SNTB1: variants seen among roughly 807,000 people sequenced by gnomAD.
The protein encoded by SNTB1 is beta-1-syntrophin.
SNTB1 carries 36 observed loss-of-function variants against 48.9 expected under a neutral mutation model. That is an observed-to-expected ratio of 0.74 (90% CI 0.56 to 0.97). The LOEUF (loss-of-function observed/expected upper bound fraction) is 0.97, where lower values mean the gene tolerates loss of function less well. SNTB1 is among the 50% of genes least tolerant of loss of function. The probability of loss-of-function intolerance (pLI) is 0.00; values close to 1 mark genes in which losing one functional copy is unlikely to be tolerated. For synonymous variants in SNTB1, 299 were observed against 294.6 expected, an observed-to-expected ratio of 1.01 and a Z score of -0.15; for missense variants, 786 against 703.4, an observed-to-expected ratio of 1.12 and a Z score of -1.33.
At chr8:120,640,500 A>T (rs1051475283) in intron 2 of SNTB1, among the ~76,000 whole-genome samples, 21 of 152,116 alleles carry the variant, frequency 1.4e-4, no homozygotes, top group Non-Finnish European at 2.8e-4. Context: ...ATTCAGTATG[A>T]TATTGGCTGT....
intron 2 of SNTB1, among the ~76,000 whole-genome samples, chr8:120,642,762 ATTAG>A (rs1308665855): frequency 6.6e-6 from 1 of 152,166 alleles, no homozygotes; most frequent in Non-Finnish European, 1.5e-5. Flanking sequence ...AAATTTAAAA[ATTAG>A]TCAGGCATGG....
rs190622912 is a variant in SNTB1 at position 120,642,827 on chromosome 8, G to A, written c.789-10176C>T. Reference sequence around the variant, plus strand: ...CTCAGGAGGCTGAGGTGGGAGGATTGCTTGGGCCCAGGTCAAGGCTGCAGT... The same window carrying A: ...CTCAGGAGGCTGAGGTGGGAGGATTACTTGGGCCCAGGTCAAGGCTGCAGT... On this transcript the variant is annotated intron_variant, in intron 2 of 6. Coordinates refer to ENST00000517992, the MANE Select transcript of SNTB1 (RefSeq NM_021021.4). Among the ~76,000 whole-genome samples, 16 of 152,264 alleles carry A rather than the reference G, an allele frequency of 1.1e-4. No homozygotes were observed. In the East Asian group the frequency reaches 2.5e-3, roughly 24 times the overall value.
chr8:120,633,184 T>C (rs1466354664), intron 2 of SNTB1, among the ~76,000 whole-genome samples: 1 of 152,200 alleles, frequency 6.6e-6, no homozygotes, highest in Non-Finnish European at 1.5e-5. Context: ...TGACCAAACT[T>C]TGCATCTTTT....
In SNTB1 at chr8:120,684,992, G is replaced by T. The variant is rs572293103; in HGVS notation, c.788+8700C>A. On this transcript the variant is annotated intron_variant, in intron 2 of 6. Coordinates refer to ENST00000517992, the MANE Select transcript of SNTB1 (RefSeq NM_021021.4). Reference sequence around the variant, plus strand: ...TTAATTCTCCAGAATAATTTTCTTTGACTCAAAGTCCCACCTTCCAGACAC... The same window carrying T: ...TTAATTCTCCAGAATAATTTTCTTTTACTCAAAGTCCCACCTTCCAGACAC... Among the ~76,000 whole-genome samples, 571 of 152,294 alleles carry T rather than the reference G, an allele frequency of 3.7e-3. 3 individuals carry two copies. Among genetic ancestry groups the T allele is most frequent in the African/African-American group, 0.013 (532 of 41,568 alleles).
intron 2 of SNTB1, among the ~76,000 whole-genome samples, chr8:120,646,670 C>T (rs1260771570): frequency 6.6e-6 from 1 of 151,696 alleles, no homozygotes; most frequent in Non-Finnish European, 1.5e-5. Flanking sequence ...CAGAATGATG[C>T]TGGCCTCATA....
chr8:120,588,067 C>T (rs1458213653), intron 3 of SNTB1, among the ~76,000 whole-genome samples: 2 of 151,964 alleles, frequency 1.3e-5, no homozygotes, highest in African/African-American at 4.8e-5. Context: ...AAACAGCAGG[C>T]TCTTTGGGAA....
At position 120,537,932 on chromosome 8, in the gene SNTB1, G is replaced by A. The variant is rs867787371; in HGVS notation, c.*945C>T. On this transcript the variant is annotated 3_prime_UTR_variant, in exon 7 of 7. Coordinates refer to ENST00000517992, the MANE Select transcript of SNTB1 (RefSeq NM_021021.4). ...TTGAAAATGCATGCATACAAGCACA[G>A]GCAAAAACAAGGGTCAGTAAGTTGC... 7.2e-5 allele frequency: 11 copies of A among 152,110 alleles called. No homozygotes were observed. The highest frequency in any genetic ancestry group is 2.7e-4 in the African/African-American group (11 of 41,400). 9.4% of individuals were successfully genotyped at this position (152,110 alleles called of 1,614,324 possible).
intron 1 of SNTB1, among the ~76,000 whole-genome samples, chr8:120,724,385 T>C (rs1016718627): frequency 2.6e-5 from 4 of 152,228 alleles, no homozygotes; most frequent in South Asian, 2.1e-4. Flanking sequence ...AAGGGGTATG[T>C]GTCTCCTGAG....
chr8:120,657,205 G>A (rs531748308), intron 2 of SNTB1, among the ~76,000 whole-genome samples: 26 of 152,170 alleles, frequency 1.7e-4, no homozygotes, highest in Admixed American at 6.5e-4. Flanking sequence ...GAAGTTGGAT[G>A]ACCCAACATC....
chr8:120,608,449 T>C (rs537527259), intron 3 of SNTB1, among the ~76,000 whole-genome samples: 59 of 152,144 alleles, frequency 3.9e-4, no homozygotes, highest in Non-Finnish European at 7.4e-4. Context: ...ACTGGAGTCA[T>C]CATTAGAAGG....
intron 1 of SNTB1, among the ~76,000 whole-genome samples, chr8:120,786,740 G>C (rs1177309554): frequency 3.3e-5 from 5 of 152,202 alleles, no homozygotes; most frequent in Admixed American, 2.0e-4. Context: ...AATGGAGGCT[G>C]TTGTGGCTCC....
chr8:120,590,680 CTTTTCTTTTT>C (rs1205020704), intron 3 of SNTB1, among the ~76,000 whole-genome samples: 1 of 131,006 alleles, frequency 7.6e-6, no homozygotes, highest in Non-Finnish European at 1.5e-5. Context: ...GTTTTCTTTT[CTTTTCTTTTT>C]TTTTTTTTTT....
rs570480062 is a variant in SNTB1 at position 120,539,460 on chromosome 8, C to T, written c.1525-491G>A. ...AAGGAGCTACTATATGTAAAACCTC[C>T]TCGTAAACTGTAAAACACAGAACGC... On this transcript the variant is annotated intron_variant, in intron 6 of 6. Coordinates refer to ENST00000517992, the MANE Select transcript of SNTB1 (RefSeq NM_021021.4). Among the ~76,000 whole-genome samples the T allele has an allele frequency of 3.9e-5, 6 of 152,316 alleles. No homozygotes were observed. The South Asian group carries it at 6.2e-4, about 16-fold the overall frequency.
chr8:120,646,633 T>G (rs201531829), intron 2 of SNTB1, among the ~76,000 whole-genome samples: 13 of 151,642 alleles, frequency 8.6e-5, no homozygotes, highest in East Asian at 5.9e-4. Flanking sequence ...TCTCTTTTTT[T>G]GTTGTGTCTC....
chr8:120,723,289 T>C (rs747046945), intron 1 of SNTB1, among the ~76,000 whole-genome samples: 1 of 152,204 alleles, frequency 6.6e-6, no homozygotes, highest in Admixed American at 6.5e-5. Context: ...GAGCTGTATA[T>C]GACATATTAT....
chr8:120,641,956 G>A (rs1329425831), intron 2 of SNTB1, among the ~76,000 whole-genome samples: 1 of 151,930 alleles, frequency 6.6e-6, no homozygotes, highest in Non-Finnish European at 1.5e-5. Flanking sequence ...GAAATACCAG[G>A]TCCCATACTT....
At chr8:120,579,857 T>C (rs560895803) in intron 3 of SNTB1, among the ~76,000 whole-genome samples, 2,231 of 152,260 alleles carry the variant, frequency 0.015, 51 homozygotes, top group African/African-American at 0.05. Flanking sequence ...CGTGCACATA[T>C]AGGATTTACA....
At chr8:120,806,276 T>C (rs1820336200) in intron 1 of SNTB1, among the ~76,000 whole-genome samples, 1 of 152,204 alleles carries the variant, frequency 6.6e-6, no homozygotes, top group Admixed American at 6.5e-5. Flanking sequence ...CTGGAGATCC[T>C]GGAACACCTG....
intron 3 of SNTB1, among the ~76,000 whole-genome samples, chr8:120,601,439 T>A (rs771934377): frequency 8.5e-5 from 13 of 152,174 alleles, no homozygotes; most frequent in Non-Finnish European, 1.6e-4. Context: ...CCCATGGACA[T>A]CCTTACCCCG....
Sources: gnomAD v4.1 joint callset for allele counts (sites outside exome capture counted in the v4.1 genomes callset) on GRCh38, gnomAD v4.1.1 for gene constraint, MANE v1.5 for transcripts, NCBI Gene and HGNC (gene_info 2026-07-23, HGNC 2026-07-21) for gene names.